Variants in KMT2A observed in about 807,000 individuals in gnomAD.
KMT2A encodes lysine methyltransferase 2A, also known as histone-lysine N-methyltransferase 2A.
Under a neutral mutation model 345.3 loss-of-function variants are expected in KMT2A, and 16 were observed. The ratio of observed to expected loss-of-function variants is 0.05; its 90% CI spans 0.03 to 0.07. The LOEUF is 0.07. Among genes scored for constraint, KMT2A ranks in the 10% least tolerant of loss-of-function variants. The pLI, the probability that KMT2A is intolerant of heterozygous loss-of-function variation, is 1.00. For synonymous variants in KMT2A, 1,599 were observed against 1,778.6 expected, an observed-to-expected ratio of 0.90 and a Z score of 2.54; for missense variants, 3,272 against 4,841.6, an observed-to-expected ratio of 0.68 and a Z score of 9.62.
chr11:118,478,233 CT>C lies in KMT2A; in HGVS notation c.3569+33del, dbSNP rs1555038141. 2.0e-6 allele frequency: 3 copies of C among 1,519,640 alleles called. No individual in the cohort carries two copies. In the South Asian group the frequency reaches 3.4e-5, roughly 17 times the overall value. The allele number at this position is 1,519,640 out of a possible 1,614,324, so 94.1% of individuals were successfully genotyped here. On this transcript the variant is annotated intron_variant, in intron 5 of 35. Coordinates refer to ENST00000534358, the MANE Select transcript of KMT2A (RefSeq NM_001197104.2). ...GGGTGTTTCACTCTGAGATGTTGAC[CT>C]CTCAACCATAAAGGTTGCTTATTTA...
Position 118,474,257 on chromosome 11 carries a change from A to C in KMT2A, c.3098A>C (p.Gln1033Pro). Residue 1033 changes from glutamine (Q) to proline (P), a missense_variant, in exon 3 of 36, where the codon CAG (glutamine) becomes CCG (proline). Gln to Pro is a moderately conservative substitution (Grantham distance 76, BLOSUM62 -1). Coordinates refer to ENST00000534358, the MANE Select transcript of KMT2A (RefSeq NM_001197104.2). Reference sequence around the variant, plus strand: ...AGCCTCCTAAAAAAGGCCAAAGCTCAGCTCTGCAAGATTGAGAAGAGTAAG... The same window carrying C: ...AGCCTCCTAAAAAAGGCCAAAGCTCCGCTCTGCAAGATTGAGAAGAGTAAG... ...VASLLKKAKA[Q>P]LCKIEKSKSL... 6.2e-7 allele frequency: 1 copy of C among 1,614,218 alleles called. No homozygotes were observed. Among genetic ancestry groups the C allele is most frequent in the Non-Finnish European group, 8.5e-7 (1 of 1,180,036 alleles).
chr11:118,462,603 G>A (rs1323978090), intron 1 of KMT2A, among the ~76,000 whole-genome samples: 1 of 152,114 alleles, frequency 6.6e-6, no homozygotes, highest in African/African-American at 2.4e-5. Flanking sequence ...CTGTCGCCCA[G>A]GCTGGAGTGC....
rs782773165 is a variant in KMT2A at position 118,510,537 on chromosome 11, G to A, written c.11071+419G>A. Among the ~76,000 whole-genome samples the A allele has an allele frequency of 4.6e-5, 7 of 152,074 alleles. No homozygotes were observed. In the East Asian group the frequency reaches 7.7e-4, roughly 17 times the overall value. ...TCACCCTTCAAGATCCAGCTCAGAC[G>A]GTCTTCCCTGACCTTCTGAGGTAGC... is the stretch of plus-strand genomic sequence containing the variant. On this transcript the variant is annotated intron_variant, in intron 30 of 35. Transcript: ENST00000534358. This position sits in a 1 kb window ranked among gnomAD's most constrained non-coding sequence, Gnocchi z 4.1.
At position 118,523,869 on chromosome 11, in the gene KMT2A, GT is replaced by G. The variant is rs1951023343; in HGVS notation, c.*1698del. ...CTTTGACAATAAATGGAGAAGGAAG[GT>G]CACCCAACTCCATTGGGCCACTCCC... On this transcript the variant is annotated 3_prime_UTR_variant, in exon 36 of 36. Coordinates refer to ENST00000534358, the MANE Select transcript of KMT2A (RefSeq NM_001197104.2). 1 of 201,252 alleles carries G rather than the reference GT, an allele frequency of 5.0e-6. No homozygotes were observed. The highest frequency in any genetic ancestry group is 2.3e-5 in the African/African-American group (1 of 43,614). The allele number at this position is 201,252 out of a possible 1,614,324, so 12.5% of individuals were successfully genotyped here. A position where few individuals can be genotyped will look rare whatever the true frequency, so the allele number is the denominator to read the frequency against.
intron 25 of KMT2A, among the ~76,000 whole-genome samples, chr11:118,501,445 G>T (rs1288780425): frequency 6.6e-6 from 1 of 151,910 alleles, no homozygotes; most frequent in Non-Finnish European, 1.5e-5. Context: ...CTCCAGCCTG[G>T]GTGACAGAGT....
chr11:118,489,231 C>A (rs1161398863), intron 11 of KMT2A, among the ~76,000 whole-genome samples: 894 of 90,368 alleles, frequency 9.9e-3, no homozygotes, highest in East Asian at 0.019. Context: ...GACTCCATCT[C>A]AAAAAAAAAA....
At chr11:118,439,352 CTTAT>C (rs1442257006) in intron 1 of KMT2A, among the ~76,000 whole-genome samples, 1 of 152,026 alleles carries the variant, frequency 6.6e-6, no homozygotes, top group African/African-American at 2.4e-5. Context: ...GTTCAGTATG[CTTAT>C]TTATTTTGTA....
In KMT2A at chr11:118,503,002, C is replaced by T; in HGVS notation, c.7110C>T (p.Phe2370=). The T allele has an allele frequency of 2.5e-6, 4 of 1,614,032 alleles. No homozygotes were observed. The South Asian group carries it at 4.4e-5, about 18-fold the overall frequency. ...VSFSSKEALS[F]PHLHLRGQRN... is the part of the protein sequence containing the mutation. ...TTTCTTCTAAAGAGGCCCTCTCCTT[C>T]CCACACCTCCATTTGAGAGGGCAAA... Residue 2370 remains phenylalanine, a synonymous_variant, in exon 27 of 36, where the codon TTC becomes TTT. Transcript: ENST00000534358. The surrounding 1 kb of genome is among the most constrained non-coding windows in gnomAD (Gnocchi z 5.3).
In KMT2A at chr11:118,510,025, A is replaced by G. The variant is rs1565310257; in HGVS notation, c.10978A>G (p.Lys3660Glu). ...MLWLQQEQKR[K>E]ESITEKKPKK... is the part of the protein sequence containing the mutation. ...TTGGCTTCAGCAAGAACAAAAGCGG[A>G]AGGAAAGCATTACTGAGAAAAAACC... The change falls in exon 30 of 36, where the codon AAG (lysine) becomes GAG (glutamate). Residue 3660 changes from lysine (K) to glutamate (E), a missense_variant. By Grantham distance (56) the Lys-to-Glu change is moderately conservative. Coordinates refer to ENST00000534358, the MANE Select transcript of KMT2A (RefSeq NM_001197104.2). The surrounding 1 kb of genome is among the most constrained non-coding windows in gnomAD (Gnocchi z 4.1). 6.2e-7 allele frequency: 1 copy of G among 1,614,024 alleles called. No individual in the cohort carries two copies. Among genetic ancestry groups the G allele is most frequent in the Admixed American group, 1.7e-5 (1 of 60,006 alleles).
intron 31 of KMT2A, among the ~76,000 whole-genome samples, chr11:118,512,792 A>G (rs1303314054): frequency 6.8e-6 from 1 of 147,110 alleles, no homozygotes; most frequent in African/African-American, 2.5e-5. Context: ...GCCAACACTT[A>G]CCTGTTTTTT....
intron 1 of KMT2A, among the ~76,000 whole-genome samples, chr11:118,443,762 T>G (rs956266514): frequency 6.6e-6 from 1 of 152,224 alleles, no homozygotes; most frequent in African/African-American, 2.4e-5. Flanking sequence ...TCCCCAGATA[T>G]CTTACCTTCA....
In KMT2A at chr11:118,499,849, G is replaced by T; in HGVS notation, c.6094G>T (p.Asp2032Tyr). 6.2e-7 allele frequency: 1 copy of T among 1,611,264 alleles called. No homozygotes were observed. The highest frequency in any genetic ancestry group is 8.5e-7 in the Non-Finnish European group (1 of 1,177,492). Reference sequence around the variant, plus strand: ...TCCTTGGTCAGGGTCTATGACAATCGACTGCTTAGGAATTCTAAATGATCT... The same window carrying T: ...TCCTTGGTCAGGGTCTATGACAATCTACTGCTTAGGAATTCTAAATGATCT... ...IHMMIGSMTIDCLGILNDLSD... is the reference protein window; with the variant it reads ...IHMMIGSMTIYCLGILNDLSD... The change falls in exon 24 of 36, where the codon GAC becomes TAC. Residue 2032 changes from aspartate to tyrosine, a missense_variant. Transcript: ENST00000534358.
At chr11:118,487,236 A>G (rs1950246112) in intron 10 of KMT2A, among the ~76,000 whole-genome samples, 1 of 152,190 alleles carries the variant, frequency 6.6e-6, no homozygotes, top group Admixed American at 6.5e-5. Context: ...AACTTTTTTT[A>G]TAGCACCAGT....
At position 118,493,562 on chromosome 11, in the gene KMT2A, T is replaced by C. The variant is rs1211862496; in HGVS notation, c.5178+332T>C. The stretch of plus-strand genomic sequence containing the variant: ...AAATTAATTGGTTCTCCCTCCCCTT[T>C]TGAGATCAGATCTGAATAATGTGCC... On this transcript the variant is annotated intron_variant, in intron 16 of 35. Coordinates refer to ENST00000534358, the MANE Select transcript of KMT2A (RefSeq NM_001197104.2). The surrounding 1 kb of genome is among the most constrained non-coding windows in gnomAD (Gnocchi z 5.8). Among the ~76,000 whole-genome samples, 1 of 152,192 alleles carries C rather than the reference T, an allele frequency of 6.6e-6. No individual in the cohort carries two copies. The highest frequency in any genetic ancestry group is 1.9e-4 in the East Asian group (1 of 5,202).
Position 118,482,402 on chromosome 11 carries a change from A to G in KMT2A, c.4013-20A>G. The G allele has an allele frequency of 4.4e-6, 7 of 1,600,648 alleles. No individual in the cohort carries two copies. Among genetic ancestry groups the G allele is most frequent in the Non-Finnish European group, 6.0e-6 (7 of 1,169,846 alleles). ...TAGTCGTTGCCAGCATCTGACTGCA[A>G]TTTATTCTGAATTTTTTAGGTCCAG... On this transcript the variant is annotated intron_variant, in intron 7 of 35. Coordinates refer to ENST00000534358, the MANE Select transcript of KMT2A (RefSeq NM_001197104.2).
At chr11:118,480,777 C>G (rs1354257563) in intron 6 of KMT2A, among the ~76,000 whole-genome samples, 1 of 152,080 alleles carries the variant, frequency 6.6e-6, no homozygotes, top group African/African-American at 2.4e-5. Context: ...ATCCTCCCAC[C>G]TCAGCCTCCC....
In KMT2A at chr11:118,472,597, A is replaced by C; in HGVS notation, c.1438A>C (p.Ser480Arg). 1 of 1,611,654 alleles carries C rather than the reference A, an allele frequency of 6.2e-7. No individual in the cohort carries two copies. The highest frequency in any genetic ancestry group is 1.7e-5 in the Admixed American group (1 of 59,480). The change falls in exon 3 of 36, where the codon AGT (serine) becomes CGT (arginine). Residue 480 changes from serine to arginine, a missense_variant. Ser to Arg is a moderately radical substitution (Grantham distance 110, BLOSUM62 -1). Around this residue, in one of 27 missense-constraint regions of KMT2A, gnomAD observed 180 missense variants for 190.7 expected, o/e 0.94. Transcript: ENST00000534358. ...SQMSSDSSRSSSPSVDTSTDS... is the reference protein window; with the variant it reads ...SQMSSDSSRSRSPSVDTSTDS... ...AATGTCTTCAGACTCCTCTCGATCT[A>C]GTAGCCCCAGTGTTGATACCTCCAC...
chr11:118,444,604 C>T (rs1555026676), intron 1 of KMT2A, among the ~76,000 whole-genome samples: 1 of 152,178 alleles, frequency 6.6e-6, no homozygotes, highest in East Asian at 1.9e-4. Flanking sequence ...GAGACAGGAT[C>T]TTGCTTTGTT....
rs1206696338 is a variant in KMT2A at position 118,519,626 on chromosome 11, G to A, written c.11155G>A (p.Gly3719Ser). Reference sequence around the variant, plus strand: ...GCTTCTGATTCTTCTAGGTGTTAACGGTTTGAGGATGCTGGGGATTCTCCA... The same window carrying A: ...GCTTCTGATTCTTCTAGGTGTTAACAGTTTGAGGATGCTGGGGATTCTCCA... Reference protein sequence around the residue: ...LKQLSFAGVNGLRMLGILHDA... With the variant: ...LKQLSFAGVNSLRMLGILHDA... Residue 3719 changes from glycine to serine, a missense_variant, in exon 32 of 36, where the codon GGT becomes AGT. Gly to Ser is a moderately conservative substitution (Grantham distance 56). This residue lies in a region of KMT2A where 72 missense variants were observed against 135.6 expected (regional missense o/e 0.53). Transcript: ENST00000534358. 8 of 1,611,722 alleles carry A rather than the reference G, an allele frequency of 5.0e-6. No individual in the cohort carries two copies. The highest frequency in any genetic ancestry group is 1.3e-5 in the African/African-American group (1 of 74,890).
Sources: gnomAD v4.1 joint callset for allele counts (sites outside exome capture counted in the v4.1 genomes callset) on GRCh38, gnomAD v4.1.1 for gene constraint, gnomAD v4.1.1 regional missense constraint, Gnocchi (gnomAD v3.1) non-coding constraint, MANE v1.5 for transcripts, NCBI Gene and HGNC (gene_info 2026-07-23, HGNC 2026-07-21) for gene names.